NBAS: variants seen among roughly 807,000 people sequenced by gnomAD.
The protein encoded by NBAS is NBAS subunit of NRZ tethering complex, also known as NAG/BC035112 fusion.
A neutral mutation model predicts 302.5 loss-of-function variants in NBAS; 219 were observed. The observed-to-expected ratio is 0.72, with a 90% confidence interval of 0.65 to 0.81. The LOEUF (loss-of-function observed/expected upper bound fraction) is 0.81, where lower values mean the gene tolerates loss of function less well. Ranked by LOEUF, NBAS falls within the 30% of genes least tolerant of loss-of-function variation. The probability of loss-of-function intolerance (pLI) is 0.00; values close to 1 mark genes in which losing one functional copy is unlikely to be tolerated. For missense variants in NBAS, 2,932 were observed against 2,841.6 expected (o/e 1.03, Z -0.72); for synonymous variants, 1,118 against 1,021.6 (o/e 1.09, Z -1.80).
the NBAS span, among the ~76,000 whole-genome samples, chr2:15,114,524 A>G: frequency 2.0e-5 from 3 of 152,224 alleles, no homozygotes; most frequent in African/African-American, 7.2e-5. Flanking sequence ...ATACGAATTT[A>G]TGGTGACGCA....
At chr2:14,811,843 C>T in the NBAS span, among the ~76,000 whole-genome samples, 1 of 152,248 alleles carries the variant, frequency 6.6e-6, no homozygotes, top group African/African-American at 2.4e-5. Context: ...ACTGACATAA[C>T]TTCATGAGTG....
At chr2:15,437,987 T>C (rs1431487474) in intron 21 of NBAS, among the ~76,000 whole-genome samples, 2 of 152,154 alleles carry the variant, frequency 1.3e-5, no homozygotes, top group Non-Finnish European at 2.9e-5. Flanking sequence ...AGATAACACA[T>C]AGCACCAACT....
chr2:15,477,350 C>CT (rs1314772439), intron 13 of NBAS, among the ~76,000 whole-genome samples: 2 of 152,148 alleles, frequency 1.3e-5, no homozygotes, highest in African/African-American at 4.8e-5. Context: ...CAACCTCTGC[C>CT]TCCCAGGCTA....
chr2:15,172,188 C>T (rs1475184789), intron 51 of NBAS, among the ~76,000 whole-genome samples: 1 of 152,174 alleles, frequency 6.6e-6, no homozygotes, highest in Non-Finnish European at 1.5e-5. Flanking sequence ...AGGAAAAAAT[C>T]ACTTGCTAAT....
At chr2:15,359,319 G>T (rs1673781870) in intron 32 of NBAS, among the ~76,000 whole-genome samples, 1 of 152,152 alleles carries the variant, frequency 6.6e-6, no homozygotes, top group South Asian at 2.1e-4. Context: ...TGAAGAAAAA[G>T]TTTTTGTCCC....
chr2:15,477,544 G>A (rs1014032592), intron 13 of NBAS, among the ~76,000 whole-genome samples: 27 of 152,078 alleles, frequency 1.8e-4, no homozygotes, highest in African/African-American at 5.6e-4. Flanking sequence ...GAGCCACCGC[G>A]CCCGGCATAA....
At chr2:15,146,825 C>T in the NBAS span, among the ~76,000 whole-genome samples, 196 of 152,186 alleles carry the variant, frequency 1.3e-3, no homozygotes, top group Middle Eastern at 0.01. Context: ...AGAGTGAGCA[C>T]GACCCACACA....
In NBAS at chr2:15,553,423, T is replaced by TA. The variant is rs1558434401; in HGVS notation, c.335+2dup. 1 of 1,604,508 alleles carries TA rather than the reference T, an allele frequency of 6.2e-7. No individual in the cohort carries two copies. Among genetic ancestry groups the TA allele is most frequent in the Admixed American group, 1.7e-5 (1 of 60,012 alleles). On this transcript the variant is annotated splice_region_variant and intron_variant, in intron 5 of 51. Coordinates refer to ENST00000281513, the MANE Select transcript of NBAS (RefSeq NM_015909.4). The stretch of plus-strand genomic sequence containing the variant: ...CTTGAATATGAATAATATTAACAAT[T>TA]ACCTGATTTCCACACACTGATCTTG...
At chr2:15,064,302 C>CAAAAAAAAAAAAAAAAAAACA in the NBAS span, among the ~76,000 whole-genome samples, 1 of 131,396 alleles carries the variant, frequency 7.6e-6, no homozygotes, top group Admixed American at 7.2e-5. Flanking sequence ...AGAAAAGACT[C>CAAAAAAAAAAAAAAAAAAACA]AAAAAAAAAA....
chr2:14,820,265 G>A, the NBAS span, among the ~76,000 whole-genome samples: 367 of 152,320 alleles, frequency 2.4e-3, no homozygotes, highest in African/African-American at 8.0e-3. Context: ...AGCAACGTAA[G>A]TGTTCATCAA....
chr2:15,491,475 G>A lies in NBAS; in HGVS notation c.955-2453C>T, dbSNP rs143214977. Among the ~76,000 whole-genome samples the A allele has an allele frequency of 5.6e-3, 846 of 152,268 alleles. 8 individuals are homozygous for A. Among genetic ancestry groups the A allele is most frequent in the African/African-American group, 0.017 (726 of 41,560 alleles). ...AGGTTGGCCAGGCGCAGTGGCTCACGCCTGTAATCCCAGCACTTTGGGAGG... is the reference window on the plus strand; with the variant it reads ...AGGTTGGCCAGGCGCAGTGGCTCACACCTGTAATCCCAGCACTTTGGGAGG... On this transcript the variant is annotated intron_variant, in intron 11 of 51. Transcript: ENST00000281513.
At chr2:14,806,178 C>G in the NBAS span, among the ~76,000 whole-genome samples, 1 of 152,122 alleles carries the variant, frequency 6.6e-6, no homozygotes, top group African/African-American at 2.4e-5. Context: ...CTAACAAGTT[C>G]CCAAATCAGG....
chr2:15,069,884 C>T, the NBAS span, among the ~76,000 whole-genome samples: 1,617 of 152,184 alleles, frequency 0.011, 35 homozygotes, highest in African/African-American at 0.037. Flanking sequence ...AAGGCAGGCA[C>T]GGATTGGGAA....
chr2:15,200,269 C>A (rs537796284), intron 48 of NBAS, among the ~76,000 whole-genome samples: 1 of 152,062 alleles, frequency 6.6e-6, no homozygotes, highest in African/African-American at 2.4e-5. Flanking sequence ...AGAAGACAGA[C>A]AAATATGTCT....
At chr2:14,854,035 C>A in the NBAS span, among the ~76,000 whole-genome samples, 2 of 145,944 alleles carry the variant, frequency 1.4e-5, no homozygotes, top group East Asian at 2.0e-4. Context: ...AACTAACCTG[C>A]ACAATGTGCA....
intron 12 of NBAS, among the ~76,000 whole-genome samples, chr2:15,480,795 G>A (rs772895899): frequency 6.6e-6 from 1 of 152,084 alleles, no homozygotes; most frequent in African/African-American, 2.4e-5. Flanking sequence ...TTTTTAGGGG[G>A]GATGTTAATG....
intron 35 of NBAS, among the ~76,000 whole-genome samples, chr2:15,343,537 G>A (rs1672952660): frequency 1.3e-5 from 2 of 151,980 alleles, no homozygotes; most frequent in Non-Finnish European, 2.9e-5. Context: ...TACTAAATGT[G>A]AAATTTAAAA....
the NBAS span, among the ~76,000 whole-genome samples, chr2:15,034,623 C>T: frequency 2.0e-5 from 3 of 152,188 alleles, no homozygotes; most frequent in Admixed American, 2.0e-4. Flanking sequence ...AGCTTTGAAA[C>T]TATGCCCTGC....
the NBAS span, among the ~76,000 whole-genome samples, chr2:14,985,141 G>C: frequency 6.6e-6 from 1 of 152,208 alleles, no homozygotes. Context: ...GGCTGGGAAG[G>C]CTTCGGAATT....
Sources: gnomAD v4.1 joint callset for allele counts (sites outside exome capture counted in the v4.1 genomes callset) on GRCh38, gnomAD v4.1.1 for gene constraint, MANE v1.5 for transcripts, NCBI Gene and HGNC (gene_info 2026-07-23, HGNC 2026-07-21) for gene names.